MSN: variants seen among roughly 807,000 people sequenced by gnomAD.
The protein encoded by MSN is moesin.
In MSN, 2 loss-of-function variants were observed where a neutral mutation model predicts 48.0. The ratio of observed to expected loss-of-function variants is 0.04; its 90% CI spans 0.02 to 0.13. MSN has a LOEUF of 0.13. Among genes scored for constraint, MSN ranks in the 10% least tolerant of loss-of-function variants. MSN has a pLI of 1.00. For missense variants in MSN, 267 were observed against 470.1 expected, an observed-to-expected ratio of 0.57 and a Z score of 3.99; for synonymous variants, 146 against 166.9, an observed-to-expected ratio of 0.87 and a Z score of 0.97.
At chrX:65,640,847 A>T (rs750217908) in intron 1 of MSN, among the ~76,000 whole-genome samples, 2 of 111,728 alleles carry the variant, frequency 1.8e-5, no homozygotes, top group Non-Finnish European at 3.8e-5. Flanking sequence ...AGTGGCTCAC[A>T]TCTGTAATCT....
intron 1 of MSN, among the ~76,000 whole-genome samples, chrX:65,696,650 G>C (rs1311524306): frequency 9.0e-6 from 1 of 111,254 alleles, no homozygotes; most frequent in Admixed American, 9.6e-5. Context: ...CCTCAGCATT[G>C]AGGGGTGTGA....
chrX:65,654,271 A>G (rs2070765542), intron 1 of MSN, among the ~76,000 whole-genome samples: 2 of 107,023 alleles, frequency 1.9e-5, no homozygotes. Flanking sequence ...ACACTCAGCT[A>G]ATTTTTTATT....
chrX:65,730,874 T>C (rs1397105008), intron 4 of MSN, among the ~76,000 whole-genome samples: 1 of 111,527 alleles, frequency 9.0e-6, no homozygotes, highest in Non-Finnish European at 1.9e-5. Flanking sequence ...AAGGAAGGTG[T>C]TCCCCTTGTT....
At chrX:65,677,107 C>T (rs1273683929) in intron 1 of MSN, among the ~76,000 whole-genome samples, 2 of 111,900 alleles carry the variant, frequency 1.8e-5, no homozygotes, top group Non-Finnish European at 1.9e-5. Flanking sequence ...GGATTACAAG[C>T]GTGAGGCACT....
intron 1 of MSN, among the ~76,000 whole-genome samples, chrX:65,675,625 C>T (rs1461958270): frequency 2.7e-5 from 3 of 110,879 alleles, no homozygotes; most frequent in Non-Finnish European, 5.7e-5. Flanking sequence ...TTTGGTTTTC[C>T]AGAATTGGGC....
intron 7 of MSN, among the ~76,000 whole-genome samples, chrX:65,734,073 C>T (rs1186217098): frequency 8.9e-6 from 1 of 112,144 alleles, no homozygotes; most frequent in Non-Finnish European, 1.9e-5. Context: ...TTCTCCAGAG[C>T]AATCCAAGAC....
At chrX:65,693,434 C>T in intron 1 of MSN, among the ~76,000 whole-genome samples, 1 of 111,794 alleles carries the variant, frequency 8.9e-6, no homozygotes, top group East Asian at 2.8e-4. Flanking sequence ...CCTGCTTTCT[C>T]TTGTGGGCAT....
At chrX:65,614,772 T>C (rs1327902744) in intron 1 of MSN, among the ~76,000 whole-genome samples, 1 of 103,170 alleles carries the variant, frequency 9.7e-6, no homozygotes, top group African/African-American at 3.5e-5. Flanking sequence ...GTTACAAATG[T>C]ATACATGTGC....
At position 65,741,247 on chromosome X, in the gene MSN, C is replaced by G. The variant is rs750674335; in HGVS notation, c.*1354C>G. On this transcript the variant is annotated 3_prime_UTR_variant, in exon 13 of 13. Transcript: ENST00000360270. Reference sequence around the variant, plus strand: ...GCTCTCAACCCAGGAGCATCCACCTCCTTCTCTGTCTCATGTGTGCTCTTC... The same window carrying G: ...GCTCTCAACCCAGGAGCATCCACCTGCTTCTCTGTCTCATGTGTGCTCTTC... The G allele has an allele frequency of 1.1e-4, 18 of 166,813 alleles. No homozygotes were observed. Among genetic ancestry groups the G allele is most frequent in the Admixed American group, 1.6e-4 (2 of 12,334 alleles). The allele number at this position is 166,813 out of a possible 1,213,427, so 13.7% of individuals were successfully genotyped here. A position where few individuals can be genotyped will look rare whatever the true frequency, so the allele number is the denominator to read the frequency against.
intron 1 of MSN, among the ~76,000 whole-genome samples, chrX:65,696,609 G>C (rs891545163): frequency 9.0e-6 from 1 of 111,192 alleles, no homozygotes; most frequent in African/African-American, 3.3e-5. Flanking sequence ...GAATATGTGT[G>C]TGGGGGGCTA....
chrX:65,669,027 G>C (rs1306580961), intron 1 of MSN, among the ~76,000 whole-genome samples: 3 of 111,556 alleles, frequency 2.7e-5, no homozygotes, highest in African/African-American at 9.8e-5. Flanking sequence ...GATGAGCTTT[G>C]GTTGCCACGT....
chrX:65,602,401 A>C, intron 1 of MSN, among the ~76,000 whole-genome samples: 1 of 111,805 alleles, frequency 8.9e-6, no homozygotes, highest in South Asian at 3.8e-4. Context: ...CAGTCTTTTA[A>C]TGGGCCTCCC....
chrX:65,694,490 G>A (rs763565718), intron 1 of MSN, among the ~76,000 whole-genome samples: 4 of 110,211 alleles, frequency 3.6e-5, no homozygotes, highest in African/African-American at 9.9e-5. Flanking sequence ...CACCACGCCC[G>A]GCTAATTTTT....
chrX:65,677,349 T>C lies in MSN; in HGVS notation c.12+9496T>C, dbSNP rs139467653. Among the ~76,000 whole-genome samples, 984 of 112,595 alleles carry C rather than the reference T, an allele frequency of 8.7e-3. 15 individuals carry two copies. Among genetic ancestry groups the C allele is most frequent in the African/African-American group, 0.03 (925 of 30,991 alleles). On this transcript the variant is annotated intron_variant, in intron 1 of 12. Coordinates refer to ENST00000360270, the MANE Select transcript of MSN (RefSeq NM_002444.3). ...GAGCTAAACTCCTCTCCAAACATCC[T>C]TGTAGATACTTGTGGGAGACTGACT...
At chrX:65,675,349 G>A (rs2070986801) in intron 1 of MSN, among the ~76,000 whole-genome samples, 1 of 111,057 alleles carries the variant, frequency 9.0e-6, no homozygotes, top group African/African-American at 3.3e-5. Flanking sequence ...ACATGAACAG[G>A]GCCTTAAAGG....
chrX:65,689,902 G>A (rs1452688219), intron 1 of MSN, among the ~76,000 whole-genome samples: 1 of 111,437 alleles, frequency 9.0e-6, no homozygotes, highest in Non-Finnish European at 1.9e-5. Flanking sequence ...GAAAAAGGGG[G>A]AAATTTGAAC....
intron 1 of MSN, among the ~76,000 whole-genome samples, chrX:65,695,532 A>AAAAAAAAC (rs1407800960): frequency 9.3e-6 from 1 of 107,390 alleles, no homozygotes; most frequent in African/African-American, 3.4e-5. Context: ...AAAAAAAAAA[A>AAAAAAAAC]AACAAAGAAA....
rs1258988874 is a variant in MSN, at chrX:65,739,945, T to G, written c.*52T>G. 2 of 1,137,143 alleles carry G rather than the reference T, an allele frequency of 1.8e-6. No individual in the cohort carries two copies. Among genetic ancestry groups the G allele is most frequent in the Non-Finnish European group, 2.4e-6 (2 of 843,781 alleles). The allele number at this position is 1,137,143 out of a possible 1,213,427, so 93.7% of individuals were successfully genotyped here. ...CCTCCCTTTTTCCTTGTCCCCACAC[T>G]CCTACACCTAACTCACCTAACTCAT... On this transcript the variant is annotated 3_prime_UTR_variant, in exon 13 of 13. Coordinates refer to ENST00000360270, the MANE Select transcript of MSN (RefSeq NM_002444.3).
chrX:65,614,685 T>C (rs1007580724), intron 1 of MSN, among the ~76,000 whole-genome samples: 17 of 100,915 alleles, frequency 1.7e-4, no homozygotes, highest in African/African-American at 6.7e-4. Context: ...TTTTCTTTTA[T>C]TTATTTATTT....
Sources: allele counts gnomAD v4.1 joint callset (sites outside exome capture counted in the v4.1 genomes callset), GRCh38; gene constraint gnomAD v4.1.1; transcripts MANE v1.5; gene names NCBI Gene and HGNC (gene_info 2026-07-23, HGNC 2026-07-21).